MGAM: variants seen among roughly 807,000 people sequenced by gnomAD.
The protein encoded by MGAM is alpha-1,4-glucosidase.
Under a neutral mutation model 358.8 loss-of-function variants are expected in MGAM, and 253 were observed. That is an observed-to-expected ratio of 0.71 (90% CI 0.64 to 0.78). The LOEUF (loss-of-function observed/expected upper bound fraction) is 0.78, where lower values mean the gene tolerates loss of function less well. Ranked by LOEUF, MGAM falls within the 30% of genes least tolerant of loss-of-function variation. The pLI, the probability that MGAM is intolerant of heterozygous loss-of-function variation, is 0.00. For synonymous variants in MGAM, 1,105 were observed against 1,227.1 expected (o/e 0.90, Z 2.08); for missense variants, 3,080 against 3,432.6 (o/e 0.90, Z 2.57).
Position 142,099,717 on chromosome 7 carries a change from T to C in MGAM, c.7854T>C (p.Pro2618=). ...RGGYILPWQE[P]ALNTHLSRQK... ...GCTACATCCTGCCCTGGCAAGAGCC[T>C]GCACTGAACACCCACTTAAGGTAAG... The change falls in exon 67 of 71, where the codon CCT becomes CCC. Residue 2618 remains proline, a synonymous_variant. Transcript: ENST00000475668. 1 of 1,614,006 alleles carries C rather than the reference T, an allele frequency of 6.2e-7. No individual in the cohort carries two copies. Among genetic ancestry groups the C allele is most frequent in the South Asian group, 1.1e-5 (1 of 91,082 alleles).
intron 5 of MGAM, 53 bp downstream of exon 5, chr7:142,021,136 AT>A (rs1806419210): frequency 7.7e-7 from 1 of 1,297,682 alleles, no homozygotes; most frequent in East Asian, 2.4e-5. Flanking sequence ...TTTATTCCCT[AT>A]CGGATGAGTG....
intron 35 of MGAM, 83 bp downstream of exon 35, chr7:142,062,785 A>T: frequency 6.4e-7 from 1 of 1,574,200 alleles, no homozygotes; most frequent in Non-Finnish European, 8.6e-7. Flanking sequence ...ACCTTCAATC[A>T]AGAGGATAGT....
intron 16 of MGAM, 89 bp downstream of exon 16, chr7:142,034,930 C>T (rs1178481791): frequency 1.3e-5 from 17 of 1,298,880 alleles, no homozygotes; most frequent in Non-Finnish European, 1.8e-5. Flanking sequence ...CTCCCCTCTC[C>T]TGCCTGCCAT....
chr7:142,075,082 G>A (rs992394789), intron 45 of MGAM, among the ~76,000 whole-genome samples: 1 of 146,168 alleles, frequency 6.8e-6, no homozygotes, highest in South Asian at 2.2e-4. Context: ...CCACATATGA[G>A]TGAGACCACG....
intron 59 of MGAM, 32 bp downstream of exon 59, chr7:142,092,640 G>T (rs4077884): frequency 6.7e-7 from 1 of 1,489,474 alleles, no homozygotes. Flanking sequence ...GATTGGCAGA[G>T]CCATGATTGA....
intron 28 of MGAM, 132 bp from the exon 29 acceptor site, chr7:142,055,868 T>G: frequency 6.9e-7 from 1 of 1,459,108 alleles, no homozygotes. Flanking sequence ...CTCCTTTGTT[T>G]CATGTGTTTA....
At chr7:141,988,486 T>C (rs1803805253) in intron 2 of MGAM, among the ~76,000 whole-genome samples, 1 of 151,648 alleles carries the variant, frequency 6.6e-6, no homozygotes, top group Non-Finnish European at 1.5e-5. Context: ...TACCTCAGCC[T>C]CCCGAGTAGC....
At chr7:142,091,254 A>G (rs2129058609) in intron 57 of MGAM, among the ~76,000 whole-genome samples, 1 of 144,252 alleles carries the variant, frequency 6.9e-6, no homozygotes, top group East Asian at 2.0e-4. Context: ...CTGTCTCAAA[A>G]AAAAAAAAAA....
chr7:142,058,926 A>G (rs1247373353), intron 31 of MGAM, among the ~76,000 whole-genome samples: 1 of 152,208 alleles, frequency 6.6e-6, no homozygotes, highest in Non-Finnish European at 1.5e-5. Flanking sequence ...TATTGTTTAC[A>G]GTTGTTCCAT....
intron 4 of MGAM, 139 bp from the exon 5 acceptor site, chr7:142,020,835 A>T (rs1387631692): frequency 4.7e-6 from 3 of 644,126 alleles, no homozygotes; most frequent in Non-Finnish European, 8.2e-6. Flanking sequence ...CTTGTGATCC[A>T]CCTGCCTTGG....
chr7:142,006,708 C>T (rs1017623401), intron 2 of MGAM, among the ~76,000 whole-genome samples: 1 of 152,108 alleles, frequency 6.6e-6, no homozygotes, highest in East Asian at 1.9e-4. Flanking sequence ...CTCTTGTTTG[C>T]AGCTGATGTG....
chr7:141,996,994 TAAACTTAAAATA>T lies in MGAM; in HGVS notation c.-3+1087_-3+1098del, dbSNP rs368472906. On this transcript the variant is annotated intron_variant, in intron 1 of 70. Coordinates refer to ENST00000475668, the MANE Select transcript of MGAM (RefSeq NM_001365693.1). ...AAAACTTAAAATAAAATACTTAAAATAAACTTAAAATAAAACTTAAAATAAAACTTAAAAAAA... is the reference window on the plus strand; with the variant it reads ...AAAACTTAAAATAAAATACTTAAAATAAACTTAAAATAAAACTTAAAAAAA... 9.9e-3 allele frequency among the ~76,000 whole-genome samples: 1,512 copies of T among 152,146 alleles called. 24 individuals are homozygous for T. The highest frequency in any genetic ancestry group is 0.014 in the Non-Finnish European group (937 of 67,994).
In MGAM at chr7:142,034,320, G is replaced by A. The variant is rs782684588; in HGVS notation, c.1728G>A (p.Trp576Ter). The change falls in exon 15 of 71, where the codon TGG becomes TGA. Residue 576 changes from tryptophan to a stop codon, truncating the protein, a stop_gained. Coordinates refer to ENST00000475668, the MANE Select transcript of MGAM (RefSeq NM_001365693.1). LOFTEE classifies it high-confidence loss of function. ...KTLCMDAVQHWGKQYDIHNLY... is the reference protein window; with the variant it reads ...KTLCMDAVQH ...TCTGTATGGATGCAGTGCAGCACTG[G>A]GGCAAGCAGTATGACATTCACAATC... is the stretch of plus-strand genomic sequence containing the variant. The A allele has an allele frequency of 6.9e-6, 11 of 1,598,736 alleles. No individual in the cohort carries two copies. The Admixed American group carries it at 1.0e-4, about 15-fold the overall frequency.
chr7:142,053,270 G>T (rs574528614), intron 26 of MGAM, among the ~76,000 whole-genome samples: 1 of 152,088 alleles, frequency 6.6e-6, no homozygotes, highest in Non-Finnish European at 1.5e-5. Context: ...GAGGGATTAG[G>T]TTTGGACTAG....
intron 2 of MGAM, among the ~76,000 whole-genome samples, chr7:142,006,440 G>A (rs1171880559): frequency 6.6e-6 from 1 of 152,134 alleles, no homozygotes; most frequent in East Asian, 1.9e-4. Flanking sequence ...ATGAGCAGAT[G>A]TTACTGCTCT....
chr7:142,063,516 A>C lies in MGAM; in HGVS notation c.4275A>C (p.Ser1425=), dbSNP rs1462779089. The C allele has an allele frequency of 6.2e-7, 1 of 1,613,710 alleles. No individual in the cohort carries two copies. The change falls in exon 36 of 71, where the codon TCA becomes TCC. Residue 1425 remains serine (S), a synonymous_variant. Coordinates refer to ENST00000475668, the MANE Select transcript of MGAM (RefSeq NM_001365693.1). ...ATTTCTAGGATATGAATGAACCATC[A>C]AGCTTCGTGAATGGGGCAGTTTCTC... ...DGMWIDMNEP[S]SFVNGAVSPG... is the part of the protein sequence containing the mutation.
upstream of MGAM, among the ~76,000 whole-genome samples, chr7:141,994,625 T>C (rs1804101818): frequency 6.6e-6 from 1 of 152,186 alleles, no homozygotes; most frequent in South Asian, 2.1e-4. Context: ...CCAAATCTTA[T>C]CTTGAATTGT....
rs781272528 is a variant in MGAM, at chr7:142,059,831, C to A, written c.3949-25C>A. 4.4e-6 allele frequency: 7 copies of A among 1,595,220 alleles called. No individual in the cohort carries two copies. The African/African-American group carries it at 6.7e-5, about 15-fold the overall frequency. On this transcript the variant is annotated intron_variant, in intron 32 of 70. Transcript: ENST00000475668. ...CCTCATTCTCTGGCTTTGGTTTTCC[C>A]AACTGACTTATGCTTTGATTTCAGG...
At chr7:142,041,914 TACG>T (rs1275787742) in intron 21 of MGAM, among the ~76,000 whole-genome samples, 1 of 23,352 alleles carries the variant, frequency 4.3e-5, no homozygotes, top group Non-Finnish European at 7.4e-5. Flanking sequence ...ATTATATATA[TACG>T]TATAATATAT....
Sources: allele counts gnomAD v4.1 joint callset (sites outside exome capture counted in the v4.1 genomes callset), GRCh38; gene constraint gnomAD v4.1.1; transcripts MANE v1.5; gene names NCBI Gene and HGNC (gene_info 2026-07-23, HGNC 2026-07-21).